The following DENND2C variants were observed in gnomAD, a reference collection of about 807,000 sequenced individuals.
The protein encoded by DENND2C is DENN domain containing 2C, also known as DENN domain-containing protein 2C.
A neutral mutation model predicts 112.4 loss-of-function variants in DENND2C; 72 were observed. The ratio of observed to expected loss-of-function variants is 0.64; its 90% CI spans 0.53 to 0.78. The LOEUF is 0.78. Ranked by LOEUF, DENND2C falls within the 30% of genes least tolerant of loss-of-function variation. The pLI is 0.00. For synonymous variants in DENND2C, 329 were observed against 381.6 expected, an observed-to-expected ratio of 0.86 and a Z score of 1.61; for missense variants, 992 against 1,113.8, an observed-to-expected ratio of 0.89 and a Z score of 1.56.
At chr1:114,644,631 T>C (rs1656929635) in intron 3 of DENND2C, among the ~76,000 whole-genome samples, 1 of 152,212 alleles carries the variant, frequency 6.6e-6, no homozygotes, top group Non-Finnish European at 1.5e-5. Flanking sequence ...TTTTTGTATA[T>C]TTACTATTTG....
chr1:114,597,091 T>C (rs1655361643), intron 16 of DENND2C, among the ~76,000 whole-genome samples: 1 of 152,158 alleles, frequency 6.6e-6, no homozygotes, highest in African/African-American at 2.4e-5. Context: ...TTAAAAAACA[T>C]CATTTTTGAA....
intron 1 of DENND2C, among the ~76,000 whole-genome samples, chr1:114,662,112 A>C (rs754688495): frequency 1.1e-4 from 17 of 152,186 alleles, no homozygotes; most frequent in Non-Finnish European, 2.1e-4. Context: ...TTTTCAGTAA[A>C]TACTGTTGTG....
chr1:114,599,908 A>G (rs1362855710), intron 15 of DENND2C, among the ~76,000 whole-genome samples: 1 of 142,722 alleles, frequency 7.0e-6, no homozygotes, highest in Non-Finnish European at 1.5e-5. Context: ...ATAGGTGGGA[A>G]TTGAACAATG....
intron 1 of DENND2C, among the ~76,000 whole-genome samples, chr1:114,657,545 G>C (rs545753667): frequency 3.9e-5 from 6 of 152,308 alleles, no homozygotes; most frequent in South Asian, 4.1e-4. Flanking sequence ...TATCAAGAAG[G>C]AAAGAGTGGT....
chr1:114,589,794 T>C (rs1339104932), intron 18 of DENND2C, among the ~76,000 whole-genome samples: 1 of 152,236 alleles, frequency 6.6e-6, no homozygotes, highest in Non-Finnish European at 1.5e-5. Flanking sequence ...TTGATATGTA[T>C]GAATATTTTA....
intron 1 of DENND2C, among the ~76,000 whole-genome samples, chr1:114,664,900 C>T (rs1268081853): frequency 6.7e-6 from 1 of 149,500 alleles, no homozygotes; most frequent in African/African-American, 2.5e-5. Flanking sequence ...CGAGACCAGC[C>T]TGATCAATAT....
rs6143386 is a variant in DENND2C at position 114,611,778 on chromosome 1, A to AACACACACAC, written c.1325-671_1325-662dup. 5.2e-3 allele frequency among the ~76,000 whole-genome samples: 766 copies of AACACACACAC among 148,356 alleles called. 7 individuals carry two copies. The highest frequency in any genetic ancestry group is 0.011 in the African/African-American group (454 of 40,228). On this transcript the variant is annotated intron_variant, in intron 8 of 20. Coordinates refer to ENST00000393274, the MANE Select transcript of DENND2C (RefSeq NM_001256404.2). Reference sequence around the variant, plus strand: ...TTTGTATAATTCTGAGAGCACAGGCAACACACACACACACACACACACACA... The same window carrying AACACACACAC: ...TTTGTATAATTCTGAGAGCACAGGCAACACACACACACACACACACACACACACACACACA...
rs1475201126 is a variant in DENND2C at position 114,645,556 on chromosome 1, C to G, written c.-313G>C. The G allele has an allele frequency of 6.6e-6, 1 of 152,118 alleles. No homozygotes were observed. The highest frequency in any genetic ancestry group is 6.6e-5 in the Admixed American group (1 of 15,266). The allele number at this position is 152,118 out of a possible 1,614,324, so 9.4% of individuals were successfully genotyped here. On this transcript the variant is annotated 5_prime_UTR_variant, in exon 3 of 21. Coordinates refer to ENST00000393274, the MANE Select transcript of DENND2C (RefSeq NM_001256404.2). ...CGGTATTTGGTTATGGTAGACCTAG[C>G]AAACTAATACAAAAGGCCACAGTAA...
At chr1:114,588,897 C>T (rs1655113911) in intron 18 of DENND2C, among the ~76,000 whole-genome samples, 1 of 152,158 alleles carries the variant, frequency 6.6e-6, no homozygotes. Flanking sequence ...GCCTGGCTGA[C>T]ATTGCCATTT....
rs377721495 is a variant in DENND2C at position 114,661,788 on chromosome 1, G to C, written c.-573-7027C>G. 1.1e-4 allele frequency among the ~76,000 whole-genome samples: 16 copies of C among 151,988 alleles called. No homozygotes were observed. In the East Asian group the frequency reaches 2.3e-3, roughly 22 times the overall value. ...TACTTCGTTTTTTTCTTCTAATAAT[G>C]AAACAACAAATTTGAAAGGCAAATT... is the stretch of plus-strand genomic sequence containing the variant. On this transcript the variant is annotated intron_variant, in intron 1 of 20. Transcript: ENST00000393274.
chr1:114,644,987 A>G (rs529857945), intron 3 of DENND2C, among the ~76,000 whole-genome samples: 3 of 152,358 alleles, frequency 2.0e-5, no homozygotes, highest in African/African-American at 7.2e-5. Context: ...GATTTAAAAA[A>G]TCATTTTACT....
intron 2 of DENND2C, among the ~76,000 whole-genome samples, chr1:114,650,923 T>A (rs894705500): frequency 6.6e-6 from 1 of 152,022 alleles, no homozygotes; most frequent in African/African-American, 2.4e-5. Flanking sequence ...ATACATCTCG[T>A]ATCCTTCACA....
At chr1:114,638,782 G>C (rs1196880482) in intron 3 of DENND2C, among the ~76,000 whole-genome samples, 1 of 132,836 alleles carries the variant, frequency 7.5e-6, no homozygotes, top group African/African-American at 2.8e-5. Context: ...AAAAAAAAGA[G>C]AAAAAAGAAA....
chr1:114,654,086 G>T (rs1657242136), intron 2 of DENND2C, among the ~76,000 whole-genome samples: 1 of 152,208 alleles, frequency 6.6e-6, no homozygotes, highest in South Asian at 2.1e-4. Context: ...TTATCTCTGG[G>T]TGATGTAACT....
intron 1 of DENND2C, among the ~76,000 whole-genome samples, chr1:114,669,678 G>A (rs946930496): frequency 6.6e-6 from 1 of 152,118 alleles, no homozygotes; most frequent in Non-Finnish European, 1.5e-5. Context: ...GCGGCGCCCA[G>A]CCTAGGGGTC....
At chr1:114,635,709 A>C (rs2101676358) in intron 3 of DENND2C, among the ~76,000 whole-genome samples, 1 of 152,312 alleles carries the variant, frequency 6.6e-6, no homozygotes, top group South Asian at 2.1e-4. Flanking sequence ...AAGTCCCTCT[A>C]AAATATTAGT....
chr1:114,583,315 T>C lies in DENND2C; in HGVS notation c.*2285A>G, dbSNP rs559238157. Reference sequence around the variant, plus strand: ...CCTGAATGGGTTGTAATGACAATACTGTACAAGTCAATAAACTGTATCACA... The same window carrying C: ...CCTGAATGGGTTGTAATGACAATACCGTACAAGTCAATAAACTGTATCACA... On this transcript the variant is annotated 3_prime_UTR_variant, in exon 21 of 21. Coordinates refer to ENST00000393274, the MANE Select transcript of DENND2C (RefSeq NM_001256404.2). The C allele has an allele frequency of 6.6e-6, 1 of 152,234 alleles. No homozygotes were observed. Among genetic ancestry groups the C allele is most frequent in the African/African-American group, 2.4e-5 (1 of 41,460 alleles). 9.4% of individuals were successfully genotyped at this position (152,234 alleles called of 1,614,324 possible). A position where few individuals can be genotyped will look rare whatever the true frequency, so the allele number is the denominator to read the frequency against.
At chr1:114,587,109 G>A (rs548404352) in intron 20 of DENND2C, 21 of 356,488 alleles carry the variant, frequency 5.9e-5, no homozygotes, top group Middle Eastern at 1.8e-3. Context: ...TGTTGGACAG[G>A]CTAGCTAGTC....
chr1:114,591,568 T>G (rs1179776091), intron 18 of DENND2C, among the ~76,000 whole-genome samples: 1 of 152,206 alleles, frequency 6.6e-6, no homozygotes, highest in East Asian at 1.9e-4. Flanking sequence ...TAACTAGTTT[T>G]TAAAATCTCT....
Sources: allele counts gnomAD v4.1 joint callset (sites outside exome capture counted in the v4.1 genomes callset), GRCh38; gene constraint gnomAD v4.1.1; transcripts MANE v1.5; gene names NCBI Gene and HGNC (gene_info 2026-07-23, HGNC 2026-07-21).